The following MYH10 variants were observed in gnomAD, a reference collection of about 807,000 sequenced individuals.
MYH10 encodes the protein myosin-10.
A neutral mutation model predicts 257.8 loss-of-function variants in MYH10; 55 were observed. That is an observed-to-expected ratio of 0.21 (90% CI 0.17 to 0.27). The LOEUF (loss-of-function observed/expected upper bound fraction) is 0.27. Ranked by LOEUF, MYH10 falls within the 10% of genes least tolerant of loss-of-function variation. MYH10 has a pLI of 1.00. For missense variants in MYH10, 1,631 were observed against 2,500.6 expected, an observed-to-expected ratio of 0.65 and a Z score of 7.42; for synonymous variants, 854 against 921.7, an observed-to-expected ratio of 0.93 and a Z score of 1.33.
Position 8,509,830 on chromosome 17 carries a change from T to C in MYH10, c.3072A>G (p.Gln1024=), listed in dbSNP as rs2081200806. The C allele has an allele frequency of 6.2e-7, 1 of 1,608,660 alleles. No individual in the cohort carries two copies. Among genetic ancestry groups the C allele is most frequent in the South Asian group, 1.1e-5 (1 of 90,052 alleles). ...MEEEILLLED[Q]NSKFIKEKKL... ...CTCTTACTTTGATGAACTTGGAATT[T>C]TGGTCCTCGAGAAGCAGAATCTCCT... Residue 1024 remains glutamine (Q), a synonymous_variant, in exon 25 of 43, where the codon CAA becomes CAG. Coordinates refer to ENST00000360416, the MANE Select transcript of MYH10 (RefSeq NM_001256012.3).
intron 4 of MYH10, among the ~76,000 whole-genome samples, chr17:8,578,449 G>T (rs1304714359): frequency 1.3e-5 from 2 of 151,972 alleles, no homozygotes; most frequent in African/African-American, 4.8e-5. Context: ...TAGCCATGTT[G>T]GCTAGGCTGG....
chr17:8,596,685 G>C (rs1597929812), intron 3 of MYH10, among the ~76,000 whole-genome samples: 1 of 149,212 alleles, frequency 6.7e-6, no homozygotes, highest in African/African-American at 2.5e-5. Context: ...TAGGAGGGAG[G>C]GGGAGTAGGT....
At chr17:8,537,636 T>C (rs1158480379) in intron 14 of MYH10, among the ~76,000 whole-genome samples, 1 of 152,208 alleles carries the variant, frequency 6.6e-6, no homozygotes, top group Non-Finnish European at 1.5e-5. Context: ...AGTTCCACAT[T>C]AATATTAATA....
chr17:8,526,955 G>A lies in MYH10; in HGVS notation c.1957+3668C>T, dbSNP rs564892921. The stretch of plus-strand genomic sequence containing the variant: ...TGCTGATGACTGAGAGCAGCATCAC[G>A]CGCTCCTCATGAAAGGTATCCAGTG... On this transcript the variant is annotated intron_variant, in intron 17 of 42. Transcript: ENST00000360416. Among the ~76,000 whole-genome samples, 280 of 152,260 alleles carry A rather than the reference G, an allele frequency of 1.8e-3. 1 individual carries two copies. Among genetic ancestry groups the A allele is most frequent in the South Asian group, 6.2e-4 (3 of 4,816 alleles).
intron 6 of MYH10, among the ~76,000 whole-genome samples, chr17:8,576,321 T>C (rs1319320645): frequency 3.3e-5 from 5 of 152,314 alleles, no homozygotes; most frequent in African/African-American, 7.2e-5. Flanking sequence ...TAGGTTTCCA[T>C]GTGTCTGATA....
At chr17:8,513,396 G>A (rs898443060) in intron 23 of MYH10, 142 bp downstream of exon 23, 10 of 1,291,264 alleles carry the variant, frequency 7.7e-6, no homozygotes, top group African/African-American at 1.5e-5. Flanking sequence ...ATACAATTTG[G>A]AAATGAGTGA....
chr17:8,570,372 GC>G (rs1234021909), intron 6 of MYH10, among the ~76,000 whole-genome samples: 3 of 152,178 alleles, frequency 2.0e-5, no homozygotes, highest in Non-Finnish European at 2.9e-5. Flanking sequence ...GATTTAAAAG[GC>G]TAAGTAGAGA....
intron 37 of MYH10, among the ~76,000 whole-genome samples, chr17:8,481,940 C>T (rs989717752): frequency 1.3e-5 from 2 of 152,184 alleles, no homozygotes; most frequent in Non-Finnish European, 2.9e-5. Flanking sequence ...GTTTGCAGAG[C>T]TGGGCCTCTA....
intron 3 of MYH10, among the ~76,000 whole-genome samples, chr17:8,592,328 A>G (rs992047092): frequency 2.4e-4 from 36 of 152,108 alleles, no homozygotes; most frequent in African/African-American, 7.7e-4. Flanking sequence ...TGGAAAACAG[A>G]AAAAAGAAAA....
In MYH10 at chr17:8,569,848, T is replaced by C. The variant is rs183231204; in HGVS notation, c.664-36A>G. Reference sequence around the variant, plus strand: ...TTACACACACACAAATAAAAGCAGATGTACGTTAATCTAATGTCTTTACTC... The same window carrying C: ...TTACACACACACAAATAAAAGCAGACGTACGTTAATCTAATGTCTTTACTC... On this transcript the variant is annotated intron_variant, in intron 6 of 42. Transcript: ENST00000360416. The surrounding 1 kb of genome is among the most constrained non-coding windows in gnomAD (Gnocchi z 4.1). The C allele has an allele frequency of 1.5e-3, 2,275 of 1,483,866 alleles. 4 individuals carry two copies. Among genetic ancestry groups the C allele is most frequent in the Non-Finnish European group, 1.8e-3 (1,947 of 1,079,894 alleles). The allele number at this position is 1,483,866 out of a possible 1,614,324, so 91.9% of individuals were successfully genotyped here. A position where few individuals can be genotyped will look rare whatever the true frequency, so the allele number is the denominator to read the frequency against.
chr17:8,595,748 C>T (rs560201430), intron 3 of MYH10, among the ~76,000 whole-genome samples: 8 of 150,664 alleles, frequency 5.3e-5, no homozygotes, highest in African/African-American at 1.5e-4. Context: ...AGTTGTTTAA[C>T]GGTGTCAGTG....
chr17:8,554,056 A>T, intron 7 of MYH10, 38 bp from the exon 8 acceptor site: 1 of 1,408,948 alleles, frequency 7.1e-7, no homozygotes, highest in Non-Finnish European at 1.0e-6. Context: ...GAAAATAAGT[A>T]AGTACATACT....
intron 7 of MYH10, among the ~76,000 whole-genome samples, chr17:8,568,989 C>A (rs925288368): frequency 6.7e-6 from 1 of 149,740 alleles, no homozygotes; most frequent in Admixed American, 6.6e-5. Context: ...AGGCTTCCAG[C>A]GATCCTCTTG....
chr17:8,511,031 T>TAA (rs2081259229), intron 24 of MYH10: 2 of 5,112 alleles, frequency 3.9e-4, no homozygotes, highest in African/African-American at 4.7e-4. Context: ...TATATATATA[T>TAA]ATATATATAT....
At position 8,480,345 on chromosome 17, in the gene MYH10, C is replaced by T; in HGVS notation, c.5389-27G>A. On this transcript the variant is annotated intron_variant, in intron 39 of 42. Transcript: ENST00000360416. The stretch of plus-strand genomic sequence containing the variant: ...TAGAGAGGAGAGAGGAGTTTAGTCA[C>T]TTGTGCCTGAGGGGTGGCACAGCCC... 5 of 1,613,310 alleles carry T rather than the reference C, an allele frequency of 3.1e-6. No individual in the cohort carries two copies. In the East Asian group the frequency reaches 1.1e-4, roughly 36 times the overall value.
chr17:8,511,046 AT>A (rs1410414336), intron 24 of MYH10: 3 of 8,420 alleles, frequency 3.6e-4, no homozygotes, highest in African/African-American at 5.3e-4. Context: ...ATATATATAT[AT>A]ATATATATAT....
chr17:8,564,420 A>C (rs2083095802), intron 7 of MYH10, among the ~76,000 whole-genome samples: 1 of 152,212 alleles, frequency 6.6e-6, no homozygotes. Flanking sequence ...TCTCAACCCA[A>C]GGCCTGGCCT....
At chr17:8,479,232 G>A (rs924430744) in intron 40 of MYH10, among the ~76,000 whole-genome samples, 2 of 146,124 alleles carry the variant, frequency 1.4e-5, no homozygotes, top group Non-Finnish European at 3.0e-5. Context: ...AGCTCACATT[G>A]AAAAAAAACC....
Position 8,492,322 on chromosome 17 carries a change from C to T in MYH10, c.4646G>A (p.Ser1549Asn). 6.2e-7 allele frequency: 1 copy of T among 1,613,424 alleles called. No individual in the cohort carries two copies. Among genetic ancestry groups the T allele is most frequent in the Non-Finnish European group, 8.5e-7 (1 of 1,180,022 alleles). Reference protein sequence around the residue: ...QLRADMEDLMSSKDDVGKNVH... With the variant: ...QLRADMEDLMNSKDDVGKNVH... ...GTTTTTTCCCACATCATCTTTGGAG[C>T]TCATGAGGTCTTCCATGTCTGCTCG... Residue 1549 changes from serine (S) to asparagine (N), a missense_variant, in exon 34 of 43, where the codon AGC becomes AAC. This residue lies in a region of MYH10 where 463 missense variants were observed against 621.8 expected (regional missense o/e 0.74). Coordinates refer to ENST00000360416, the MANE Select transcript of MYH10 (RefSeq NM_001256012.3).
Sources: gnomAD v4.1 joint callset for allele counts (sites outside exome capture counted in the v4.1 genomes callset) on GRCh38, gnomAD v4.1.1 for gene constraint, gnomAD v4.1.1 regional missense constraint, Gnocchi (gnomAD v3.1) non-coding constraint, MANE v1.5 for transcripts, NCBI Gene and HGNC (gene_info 2026-07-23, HGNC 2026-07-21) for gene names.